MCTP1: variants seen among roughly 807,000 people sequenced by gnomAD.
MCTP1 encodes multiple C2 and transmembrane domain containing 1.
A neutral mutation model predicts 120.6 loss-of-function variants in MCTP1; 69 were observed. The ratio of observed to expected loss-of-function variants is 0.57; its 90% confidence interval spans 0.47 to 0.70. MCTP1 has a LOEUF of 0.70. MCTP1 is among the 30% of genes least tolerant of loss of function. The probability of loss-of-function intolerance (pLI) is 0.00; values close to 1 mark genes in which losing one functional copy is unlikely to be tolerated. For synonymous variants in MCTP1, 529 were observed against 493.1 expected, an observed-to-expected ratio of 1.07 and a Z score of -0.96; for missense variants, 1,203 against 1,248.8, an observed-to-expected ratio of 0.96 and a Z score of 0.55.
chr5:95,216,714 T>G (rs1283871828), intron 1 of MCTP1, among the ~76,000 whole-genome samples: 1 of 152,194 alleles, frequency 6.6e-6, no homozygotes, highest in African/African-American at 2.4e-5. Flanking sequence ...ATAAACACAC[T>G]GTCATACGAA....
intron 5 of MCTP1, among the ~76,000 whole-genome samples, chr5:94,938,972 A>G (rs1179145126): frequency 6.6e-6 from 1 of 152,128 alleles, no homozygotes; most frequent in Non-Finnish European, 1.5e-5. Flanking sequence ...CTAAGTTCTC[A>G]CACTAGGTAT....
intron 2 of MCTP1, among the ~76,000 whole-genome samples, chr5:94,998,854 C>T (rs1048639816): frequency 3.3e-5 from 5 of 152,170 alleles, no homozygotes; most frequent in East Asian, 1.9e-4. Flanking sequence ...CATAAATATT[C>T]GTAGACATTG....
chr5:94,760,363 G>T (rs189707823), intron 19 of MCTP1, among the ~76,000 whole-genome samples: 1 of 152,172 alleles, frequency 6.6e-6, no homozygotes, highest in East Asian at 1.9e-4. Flanking sequence ...AACTACCAAG[G>T]GTAGCTATTC....
chr5:94,752,761 T>C (rs987402893), intron 19 of MCTP1, among the ~76,000 whole-genome samples: 21 of 152,124 alleles, frequency 1.4e-4, no homozygotes, highest in Non-Finnish European at 5.9e-5. Flanking sequence ...GTCCAAAGAC[T>C]TCATGTAAGT....
At position 94,704,831 on chromosome 5, in the gene MCTP1, CATT is replaced by C. The variant is rs1754164426; in HGVS notation, c.*2662_*2664del. Reference sequence around the variant, plus strand: ...TTCTGTAGGAATTCCAGTTTTTGAACATTCTATATGCACTAGGATAATCTGAGT... The same window carrying C: ...TTCTGTAGGAATTCCAGTTTTTGAACCTATATGCACTAGGATAATCTGAGT... On this transcript the variant is annotated 3_prime_UTR_variant, in exon 23 of 23. Coordinates refer to ENST00000515393, the MANE Select transcript of MCTP1 (RefSeq NM_024717.7). 6.8e-6 allele frequency: 1 copy of C among 147,304 alleles called. No homozygotes were observed. Among genetic ancestry groups the C allele is most frequent in the Non-Finnish European group, 1.5e-5 (1 of 66,466 alleles). 9.1% of individuals were successfully genotyped at this position (147,304 alleles called of 1,614,324 possible).
intron 1 of MCTP1, among the ~76,000 whole-genome samples, chr5:95,271,476 T>A (rs3095925): frequency 2.0e-5 from 3 of 151,398 alleles, no homozygotes; most frequent in African/African-American, 2.4e-5. Flanking sequence ...AAAAAAAAAA[T>A]GAACTATATC....
At chr5:94,779,869 G>A (rs1014066032) in intron 18 of MCTP1, among the ~76,000 whole-genome samples, 3 of 151,978 alleles carry the variant, frequency 2.0e-5, no homozygotes, top group African/African-American at 4.8e-5. Flanking sequence ...ATTTTTTAAC[G>A]GCTATTTAGC....
chr5:94,900,351 A>G (rs1430226558), intron 10 of MCTP1, among the ~76,000 whole-genome samples: 1 of 152,216 alleles, frequency 6.6e-6, no homozygotes, highest in Non-Finnish European at 1.5e-5. Flanking sequence ...TGGCACACCA[A>G]CTGGAACATA....
intron 3 of MCTP1, among the ~76,000 whole-genome samples, chr5:94,945,553 C>T (rs1038652047): frequency 3.9e-5 from 6 of 152,084 alleles, no homozygotes; most frequent in African/African-American, 1.4e-4. Flanking sequence ...CCACAATGTT[C>T]CAAGTACTGT....
chr5:95,030,501 A>G (rs1840081542), intron 1 of MCTP1, among the ~76,000 whole-genome samples: 1 of 152,138 alleles, frequency 6.6e-6, no homozygotes. Context: ...CATGCATCCA[A>G]TACACCAGTA....
At chr5:95,193,455 A>T (rs747319238) in intron 1 of MCTP1, among the ~76,000 whole-genome samples, 8 of 152,196 alleles carry the variant, frequency 5.3e-5, no homozygotes, top group Non-Finnish European at 7.3e-5. Flanking sequence ...AAAGTACAGG[A>T]TGAGGTTAAC....
chr5:95,053,429 T>G (rs562518262), intron 1 of MCTP1, among the ~76,000 whole-genome samples: 2 of 152,276 alleles, frequency 1.3e-5, no homozygotes, highest in African/African-American at 4.8e-5. Context: ...GGGAGGAGTG[T>G]GAGCACTGCC....
intron 1 of MCTP1, among the ~76,000 whole-genome samples, chr5:95,176,015 C>T (rs928275101): frequency 1.3e-5 from 2 of 152,166 alleles, no homozygotes; most frequent in South Asian, 2.1e-4. Flanking sequence ...ACACCAAAAC[C>T]TCATGCCAGC....
intron 1 of MCTP1, among the ~76,000 whole-genome samples, chr5:95,169,511 G>T (rs1746925201): frequency 6.6e-6 from 1 of 152,186 alleles, no homozygotes; most frequent in Non-Finnish European, 1.5e-5. Flanking sequence ...ATTTGGCTGT[G>T]AATCTATCTG....
At position 95,248,922 on chromosome 5, in the gene MCTP1, T is replaced by G. The variant is rs144232302; in HGVS notation, c.720+34934A>C. On this transcript the variant is annotated intron_variant, in intron 1 of 22. Transcript: ENST00000515393. ...AACAAGCAATGGAGGAAGGATTCCC[T>G]GTTTAATAAATGGTGCTGGGAAAAC... is the stretch of plus-strand genomic sequence containing the variant. Among the ~76,000 whole-genome samples, 1,493 of 152,316 alleles carry G rather than the reference T, an allele frequency of 9.8e-3. 10 individuals are homozygous for G. The highest frequency in any genetic ancestry group is 0.027 in the Middle Eastern group (8 of 294).
intron 1 of MCTP1, among the ~76,000 whole-genome samples, chr5:95,100,572 G>T (rs563096431): frequency 6.6e-6 from 1 of 152,150 alleles, no homozygotes; most frequent in Non-Finnish European, 1.5e-5. Flanking sequence ...ATAAGAATTT[G>T]TATAAAGAAT....
At chr5:94,852,732 G>T (rs1331441870) in intron 17 of MCTP1, among the ~76,000 whole-genome samples, 1 of 151,838 alleles carries the variant, frequency 6.6e-6, no homozygotes, top group African/African-American at 2.4e-5. Context: ...TTGTTCTCAT[G>T]CTAAATATGA....
intron 17 of MCTP1, among the ~76,000 whole-genome samples, chr5:94,804,734 G>C (rs1330770414): frequency 6.6e-6 from 1 of 152,168 alleles, no homozygotes; most frequent in Non-Finnish European, 1.5e-5. Context: ...CACCACACCA[G>C]GCCTATGCTT....
intron 1 of MCTP1, among the ~76,000 whole-genome samples, chr5:95,039,915 C>G (rs1027682634): frequency 7.5e-6 from 1 of 133,384 alleles, no homozygotes; most frequent in African/African-American, 2.8e-5. Flanking sequence ...AAGATCTAAA[C>G]TGCCAAAACT....
Sources: gnomAD v4.1 joint callset for allele counts (sites outside exome capture counted in the v4.1 genomes callset) on GRCh38, gnomAD v4.1.1 for gene constraint, MANE v1.5 for transcripts, NCBI Gene and HGNC (gene_info 2026-07-23, HGNC 2026-07-21) for gene names.